TCERG1: variants seen among roughly 807,000 people sequenced by gnomAD.
TCERG1 encodes the protein TATA box binding protein (TBP)-associated factor, RNA polymerase II, S, 150kD.
TCERG1 carries 37 observed loss-of-function variants against 144.7 expected under a neutral mutation model. The observed-to-expected ratio is 0.26, with a 90% CI of 0.20 to 0.34. The LOEUF is 0.34. Among genes scored for constraint, TCERG1 ranks in the 10% least tolerant of loss-of-function variants. TCERG1 has a pLI of 1.00. For synonymous variants in TCERG1, 492 were observed against 458.2 expected, an observed-to-expected ratio of 1.07 and a Z score of -0.94; for missense variants, 1,027 against 1,380.7, an observed-to-expected ratio of 0.74 and a Z score of 4.06.
chr5:146,449,711 G>A (rs78879862), intron 1 of TCERG1, among the ~76,000 whole-genome samples: 376 of 152,270 alleles, frequency 2.5e-3, no homozygotes, highest in African/African-American at 8.3e-3. Context: ...CATGCAAGTA[G>A]GCTTTTGTTT....
intron 15 of TCERG1, among the ~76,000 whole-genome samples, chr5:146,484,200 ATC>A (rs1765616985): frequency 2.0e-5 from 3 of 152,188 alleles, no homozygotes; most frequent in African/African-American, 7.2e-5. Flanking sequence ...CTGTTAAAAT[ATC>A]TGTTTCCATC....
chr5:146,471,093 G>T (rs1316858859), intron 8 of TCERG1, among the ~76,000 whole-genome samples: 3 of 152,150 alleles, frequency 2.0e-5, no homozygotes, highest in African/African-American at 4.8e-5. Context: ...CTGCTGTTGT[G>T]TTCTTGCATA....
intron 4 of TCERG1, among the ~76,000 whole-genome samples, chr5:146,459,643 A>G (rs1401250202): frequency 6.6e-6 from 1 of 152,204 alleles, no homozygotes; most frequent in Non-Finnish European, 1.5e-5. Flanking sequence ...CTTGGTCCCT[A>G]CCTTACAGTT....
intron 10 of TCERG1, among the ~76,000 whole-genome samples, chr5:146,478,928 G>T (rs1205666554): frequency 6.6e-6 from 1 of 152,066 alleles, no homozygotes; most frequent in East Asian, 1.9e-4. Flanking sequence ...TAGTGTTGCT[G>T]CTTGCTTAGT....
At chr5:146,470,349 CT>C (rs1764175440) in intron 7 of TCERG1, among the ~76,000 whole-genome samples, 1 of 152,132 alleles carries the variant, frequency 6.6e-6, no homozygotes, top group African/African-American at 2.4e-5. Context: ...TATCTTATCC[CT>C]TTTAGCAAAA....
At chr5:146,472,377 G>C (rs962890347) in intron 9 of TCERG1, among the ~76,000 whole-genome samples, 2 of 151,594 alleles carry the variant, frequency 1.3e-5, no homozygotes, top group Non-Finnish European at 2.9e-5. Context: ...TTTGTGTTTC[G>C]GTGTTACATT....
chr5:146,489,402 A>G (rs1429019397), intron 15 of TCERG1, among the ~76,000 whole-genome samples: 1 of 152,200 alleles, frequency 6.6e-6, no homozygotes, highest in African/African-American at 2.4e-5. Flanking sequence ...ATAAACTTTT[A>G]AATATCTCAT....
chr5:146,473,567 A>G (rs1192192761), intron 9 of TCERG1, among the ~76,000 whole-genome samples: 1 of 152,208 alleles, frequency 6.6e-6, no homozygotes, highest in African/African-American at 2.4e-5. Flanking sequence ...ATAGCTAGAG[A>G]GAAGTCACCG....
intron 13 of TCERG1, chr5:146,482,373 A>G (rs1464173886): frequency 5.5e-6 from 2 of 360,500 alleles, no homozygotes; most frequent in African/African-American, 4.2e-5. Flanking sequence ...TTTTCCTAAT[A>G]ATGTAGCCAT....
At chr5:146,502,438 A>T (rs568691256) in intron 17 of TCERG1, among the ~76,000 whole-genome samples, 21 of 152,184 alleles carry the variant, frequency 1.4e-4, no homozygotes, top group Non-Finnish European at 2.9e-4. Flanking sequence ...AGTAGTATAC[A>T]TGGGATTAAA....
chr5:146,479,895 A>C lies in TCERG1; in HGVS notation c.1803A>C (p.Gln601His). ...TPTMLSIQKW[Q>H]FSMSAIKEEQ... is the part of the protein sequence containing the mutation. ...CAATGCTGTCGATCCAAAAGTGGCA[A>C]TTCTCTATGAGTGCAAGTGAGTGAA... The change falls in exon 11 of 23, where the codon CAA becomes CAC. Residue 601 changes from glutamine (Q) to histidine (H), a missense_variant. Around this residue, in one of 6 missense-constraint regions of TCERG1, gnomAD observed 482 missense variants for 632.6 expected, o/e 0.76. Transcript: ENST00000679501. The C allele has an allele frequency of 6.2e-7, 1 of 1,613,564 alleles. No homozygotes were observed. Among genetic ancestry groups the C allele is most frequent in the Non-Finnish European group, 8.5e-7 (1 of 1,179,638 alleles).
intron 17 of TCERG1, among the ~76,000 whole-genome samples, chr5:146,502,477 C>A (rs776874377): frequency 2.0e-5 from 3 of 152,108 alleles, no homozygotes; most frequent in Non-Finnish European, 2.9e-5. Flanking sequence ...CTCAGACATA[C>A]ATAAAAATAA....
In TCERG1 at chr5:146,455,095, T is replaced by C. The variant is rs1762713428; in HGVS notation, c.99T>C (p.Ala33=). The change falls in exon 2 of 23, where the codon GCT becomes GCC. Residue 33 remains alanine, a synonymous_variant. Coordinates refer to ENST00000679501, the MANE Select transcript of TCERG1 (RefSeq NM_001382548.1). ...AGGCCTTGAGGTTCCGAGGTCCGGC[T>C]CCCCCACCAAATGCAGTGATGCGAG... ...QQQALRFRGP[A]PPPNAVMRGP... is the part of the protein sequence containing the mutation. 1 of 1,614,198 alleles carries C rather than the reference T, an allele frequency of 6.2e-7. No individual in the cohort carries two copies. Among genetic ancestry groups the C allele is most frequent in the East Asian group, 2.2e-5 (1 of 44,884 alleles).
In TCERG1 at chr5:146,510,661, AG is replaced by A. The variant is rs776471568; in HGVS notation, c.*23del. 1.9e-6 allele frequency: 3 copies of A among 1,601,620 alleles called. No individual in the cohort carries two copies. The highest frequency in any genetic ancestry group is 2.6e-6 in the Non-Finnish European group (3 of 1,173,380). Reference sequence around the variant, plus strand: ...AAAATAATTCTAAATACTCTTCCATAGGGGCATCTATTCAAAATGCTTGCAT... The same window carrying A: ...AAAATAATTCTAAATACTCTTCCATAGGGCATCTATTCAAAATGCTTGCAT... On this transcript the variant is annotated 3_prime_UTR_variant, in exon 23 of 23. Coordinates refer to ENST00000679501, the MANE Select transcript of TCERG1 (RefSeq NM_001382548.1).
intron 4 of TCERG1, 31 bp from the exon 5 acceptor site, chr5:146,463,520 T>G: frequency 6.2e-7 from 1 of 1,612,572 alleles, no homozygotes; most frequent in Non-Finnish European, 8.5e-7. Context: ...TATGAAGGAG[T>G]GATACATGTT....
At chr5:146,457,146 A>G in intron 2 of TCERG1, 37 bp from the exon 3 acceptor site, 1 of 1,595,304 alleles carries the variant, frequency 6.3e-7, no homozygotes, top group Non-Finnish European at 8.5e-7. Flanking sequence ...GAGGAAAAGT[A>G]ATTAAAGTGA....
chr5:146,509,431 A>G (rs905069751), intron 22 of TCERG1, among the ~76,000 whole-genome samples, 186 bp downstream of exon 22: 1 of 151,698 alleles, frequency 6.6e-6, no homozygotes, highest in Non-Finnish European at 1.5e-5. Flanking sequence ...TTTTTTAAAG[A>G]AAGGGCCCAG....
chr5:146,482,824 A>AT (rs757178782), intron 14 of TCERG1, 97 bp downstream of exon 14: 224 of 1,341,296 alleles, frequency 1.7e-4, no homozygotes, highest in Non-Finnish European at 1.8e-4. Flanking sequence ...TGCTCATGTT[A>AT]TGGGGGGGGA....
chr5:146,459,512 A>G (rs972849469), intron 4 of TCERG1, among the ~76,000 whole-genome samples, 175 bp downstream of exon 4: 4 of 152,234 alleles, frequency 2.6e-5, no homozygotes, highest in African/African-American at 9.6e-5. Context: ...ATTTATATTA[A>G]CAGGAGAAAT....
Sources: gnomAD v4.1 joint callset for allele counts (sites outside exome capture counted in the v4.1 genomes callset) on GRCh38, gnomAD v4.1.1 for gene constraint, gnomAD v4.1.1 regional missense constraint, MANE v1.5 for transcripts, NCBI Gene and HGNC (gene_info 2026-07-23, HGNC 2026-07-21) for gene names.